Variants in CCSER1 observed in about 807,000 individuals in gnomAD.
CCSER1 encodes serine-rich coiled-coil domain-containing protein 1.
A neutral mutation model predicts 82.0 loss-of-function variants in CCSER1; 41 were observed. The ratio of observed to expected loss-of-function variants is 0.50; its 90% confidence interval spans 0.39 to 0.65. CCSER1 has a LOEUF of 0.65. CCSER1 is among the 30% of genes least tolerant of loss of function. The pLI is 0.00. For synonymous variants in CCSER1, 414 were observed against 383.9 expected, an observed-to-expected ratio of 1.08 and a Z score of -0.92; for missense variants, 1,119 against 1,064.2, an observed-to-expected ratio of 1.05 and a Z score of -0.72.
chr4:90,454,331 T>C (rs892599508), intron 4 of CCSER1, among the ~76,000 whole-genome samples: 3 of 151,844 alleles, frequency 2.0e-5, no homozygotes, highest in African/African-American at 7.3e-5. Context: ...CTACAGCCTA[T>C]TTTTGCAGCT....
chr4:91,136,645 G>A (rs1241773954), intron 10 of CCSER1, among the ~76,000 whole-genome samples: 3 of 152,104 alleles, frequency 2.0e-5, no homozygotes, highest in Non-Finnish European at 4.4e-5. Flanking sequence ...GATAGTATAA[G>A]ATGTATGTAG....
At chr4:91,150,490 G>T (rs1730060947) in intron 10 of CCSER1, among the ~76,000 whole-genome samples, 1 of 152,116 alleles carries the variant, frequency 6.6e-6, no homozygotes, top group African/African-American at 2.4e-5. Context: ...CTGCCTGATT[G>T]CCCTGGCTAG....
Position 90,551,200 on chromosome 4 carries a change from A to G in CCSER1, c.1725-76825A>G, listed in dbSNP as rs184084332. On this transcript the variant is annotated intron_variant, in intron 5 of 10. Coordinates refer to ENST00000509176, the MANE Select transcript of CCSER1 (RefSeq NM_001145065.2). Reference sequence around the variant, plus strand: ...TATTTCTGGGAATGATGTTTCTGACAAAAATGTGTGATAGAATGCATGATA... The same window carrying G: ...TATTTCTGGGAATGATGTTTCTGACGAAAATGTGTGATAGAATGCATGATA... Among the ~76,000 whole-genome samples, 24 of 152,288 alleles carry G rather than the reference A, an allele frequency of 1.6e-4. No homozygotes were observed. In the East Asian group the frequency reaches 4.3e-3, roughly 27 times the overall value.
At position 91,602,486 on chromosome 4, in the gene CCSER1, A is replaced by G. The variant is rs1469431355; in HGVS notation, c.*3429A>G. On this transcript the variant is annotated 3_prime_UTR_variant, in exon 11 of 11. Coordinates refer to ENST00000509176, the MANE Select transcript of CCSER1 (RefSeq NM_001145065.2). ...GCAACTTAGTTGTTGATTAAACAGT[A>G]GGAACAGTTTGCTGAATGGTTAGGA... Among the ~76,000 whole-genome samples the G allele has an allele frequency of 6.6e-6, 1 of 152,056 alleles. No homozygotes were observed. The highest frequency in any genetic ancestry group is 1.5e-5 in the Non-Finnish European group (1 of 67,916).
At chr4:90,311,479 A>G (rs1735276327) in intron 2 of CCSER1, among the ~76,000 whole-genome samples, 1 of 152,158 alleles carries the variant, frequency 6.6e-6, no homozygotes, top group Non-Finnish European at 1.5e-5. Flanking sequence ...AAACTAAACT[A>G]TCCTTTAGTT....
intron 1 of CCSER1, among the ~76,000 whole-genome samples, chr4:90,289,824 C>CAA (rs1730586621): frequency 6.6e-6 from 1 of 151,728 alleles, no homozygotes; most frequent in Admixed American, 6.6e-5. Flanking sequence ...TCTAAGCCCT[C>CAA]AACTTCTTTA....
intron 3 of CCSER1, among the ~76,000 whole-genome samples, chr4:90,352,869 T>A (rs1391120842): frequency 6.6e-6 from 1 of 152,208 alleles, no homozygotes; most frequent in Non-Finnish European, 1.5e-5. Flanking sequence ...TTTCTTTAGA[T>A]AATATTTAAT....
intron 9 of CCSER1, among the ~76,000 whole-genome samples, chr4:91,073,853 T>C (rs1721683288): frequency 6.6e-6 from 1 of 152,076 alleles, no homozygotes; most frequent in African/African-American, 2.4e-5. Context: ...AGATACTAGA[T>C]TTTACCACTC....
At chr4:91,594,438 C>T (rs1431673335) in intron 10 of CCSER1, among the ~76,000 whole-genome samples, 1 of 147,924 alleles carries the variant, frequency 6.8e-6, no homozygotes, top group African/African-American at 2.5e-5. Flanking sequence ...TACATATACA[C>T]ACATATATAC....
At chr4:90,430,876 T>C (rs927471811) in intron 4 of CCSER1, among the ~76,000 whole-genome samples, 1 of 152,008 alleles carries the variant, frequency 6.6e-6, no homozygotes, top group Non-Finnish European at 1.5e-5. Flanking sequence ...AGGCATATGC[T>C]CAAATTTTAA....
At chr4:91,324,315 G>A (rs985013338) in intron 10 of CCSER1, among the ~76,000 whole-genome samples, 1 of 152,204 alleles carries the variant, frequency 6.6e-6, no homozygotes, top group East Asian at 1.9e-4. Flanking sequence ...TTATGGTAAT[G>A]TACTATTTGT....
intron 5 of CCSER1, among the ~76,000 whole-genome samples, chr4:90,480,554 A>G (rs188764990): frequency 4.6e-5 from 7 of 152,152 alleles, no homozygotes; most frequent in East Asian, 1.9e-4. Context: ...TAATTTTTGT[A>G]TAAGGTGTAA....
chr4:91,030,032 A>C (rs543429106), intron 9 of CCSER1, among the ~76,000 whole-genome samples: 1 of 152,136 alleles, frequency 6.6e-6, no homozygotes, highest in Admixed American at 6.6e-5. Flanking sequence ...AATAATAAAA[A>C]CAAGTCATAA....
In CCSER1 at chr4:91,302,848, T is replaced by G. The variant is rs150179869; in HGVS notation, c.2217+216854T>G. ...TTGTCATTTGTAAATCGGTGCAAAT[T>G]TTATAGTTTATTTTTTCACAGCATT... On this transcript the variant is annotated intron_variant, in intron 10 of 10. Coordinates refer to ENST00000509176, the MANE Select transcript of CCSER1 (RefSeq NM_001145065.2). Among the ~76,000 whole-genome samples the G allele has an allele frequency of 3.3e-3, 499 of 152,040 alleles. 5 individuals carry two copies. In the East Asian group the frequency reaches 0.033, roughly 10 times the overall value.
intron 5 of CCSER1, among the ~76,000 whole-genome samples, chr4:90,479,311 G>T (rs539595643): frequency 1.3e-5 from 2 of 151,976 alleles, no homozygotes; most frequent in Non-Finnish European, 2.9e-5. Context: ...GAGCCAGGAG[G>T]AAAACTTTTT....
At chr4:90,396,995 G>C (rs1228521640) in intron 3 of CCSER1, among the ~76,000 whole-genome samples, 1 of 152,088 alleles carries the variant, frequency 6.6e-6, no homozygotes, top group Non-Finnish European at 1.5e-5. Flanking sequence ...CTTTTAGGGA[G>C]AGATCTGGAA....
intron 10 of CCSER1, among the ~76,000 whole-genome samples, chr4:91,165,473 A>C (rs1165172369): frequency 6.6e-6 from 1 of 152,222 alleles, no homozygotes; most frequent in African/African-American, 2.4e-5. Context: ...ACTGTCAGAC[A>C]GGGACGTTTA....
intron 10 of CCSER1, among the ~76,000 whole-genome samples, chr4:91,212,287 A>C (rs1736879603): frequency 6.6e-6 from 1 of 151,892 alleles, no homozygotes. Context: ...TTAATTGTAA[A>C]ATTGAGCTGT....
At chr4:90,482,407 C>A (rs1766172935) in intron 5 of CCSER1, among the ~76,000 whole-genome samples, 1 of 152,166 alleles carries the variant, frequency 6.6e-6, no homozygotes, top group Non-Finnish European at 1.5e-5. Flanking sequence ...TTCTTGCCTT[C>A]TGCTAGCTTT....
Sources: gnomAD v4.1 joint callset for allele counts (sites outside exome capture counted in the v4.1 genomes callset) on GRCh38, gnomAD v4.1.1 for gene constraint, MANE v1.5 for transcripts, NCBI Gene and HGNC (gene_info 2026-07-23, HGNC 2026-07-21) for gene names.